Variants in SGCD observed in about 807,000 individuals in gnomAD.
SGCD encodes sarcoglycan delta, also known as delta-sarcoglycan.
A neutral mutation model predicts 36.6 loss-of-function variants in SGCD; 18 were observed. The ratio of observed to expected loss-of-function variants is 0.49; its 90% CI spans 0.34 to 0.73. The LOEUF is 0.73. Among genes scored for constraint, SGCD ranks in the 30% least tolerant of loss-of-function variants. The pLI, the probability that SGCD is intolerant of heterozygous loss-of-function variation, is 0.01. For missense variants in SGCD, 387 were observed against 346.7 expected, an observed-to-expected ratio of 1.12 and a Z score of -0.92; for synonymous variants, 133 against 130.6, an observed-to-expected ratio of 1.02 and a Z score of -0.12.
intron 3 of SGCD, among the ~76,000 whole-genome samples, chr5:156,136,275 G>C (rs1171276566): frequency 6.6e-6 from 1 of 152,078 alleles, no homozygotes; most frequent in Non-Finnish European, 1.5e-5. Context: ...ATCATACCTG[G>C]CTAATTTTTA....
intron 1 of SGCD, among the ~76,000 whole-genome samples, chr5:155,974,754 C>T (rs1002756170): frequency 6.6e-6 from 1 of 152,176 alleles, no homozygotes; most frequent in South Asian, 2.1e-4. Flanking sequence ...CATGTCAGAG[C>T]TTGCCTGGTT....
In SGCD at chr5:156,659,647, TTG is replaced by T. The variant is rs1763823049; in HGVS notation, c.575+12113_575+12114del. On this transcript the variant is annotated intron_variant, in intron 7 of 8. Coordinates refer to ENST00000337851, the MANE Select transcript of SGCD (RefSeq NM_000337.6). ...ACAGTATAAAATGGCTTACAATCTC[TTG>T]TTTCTAAAGTTTGATTTCCAGACCA... is the stretch of plus-strand genomic sequence containing the variant. Among the ~76,000 whole-genome samples, 2 of 148,770 alleles carry T rather than the reference TTG, an allele frequency of 1.3e-5. 1 individual carries two copies. The highest frequency in any genetic ancestry group is 5.1e-5 in the African/African-American group (2 of 39,128).
intron 1 of SGCD, among the ~76,000 whole-genome samples, chr5:155,942,895 T>C (rs1001630913): frequency 6.6e-6 from 1 of 152,216 alleles, no homozygotes; most frequent in Non-Finnish European, 1.5e-5. Flanking sequence ...TTCAACCATG[T>C]AGAGTACAAT....
At chr5:155,740,250 C>T in the SGCD span, among the ~76,000 whole-genome samples, 16 of 152,182 alleles carry the variant, frequency 1.1e-4, no homozygotes, top group African/African-American at 2.4e-5. Flanking sequence ...AGACAGAAGC[C>T]AGCATGCCCT....
chr5:156,142,166 C>T (rs1762597266), intron 3 of SGCD, among the ~76,000 whole-genome samples: 1 of 152,192 alleles, frequency 6.6e-6, no homozygotes, highest in Non-Finnish European at 1.5e-5. Flanking sequence ...CTTCCTCCTG[C>T]TCTGGTCATG....
chr5:155,842,935 C>T, the SGCD span, among the ~76,000 whole-genome samples: 4 of 152,194 alleles, frequency 2.6e-5, no homozygotes, highest in East Asian at 1.9e-4. Flanking sequence ...AGTTGTTTTT[C>T]GATTCTTTTC....
At position 155,968,611 on chromosome 5, in the gene SGCD, C is replaced by T. The variant is rs527924802; in HGVS notation, c.-282+98187C>T. On this transcript the variant is annotated intron_variant, in intron 1 of 9. Coordinates refer to the SGCD transcript ENST00000517913. Reference sequence around the variant, plus strand: ...AATTAAGCTTTATCATAAGTATGTACATATAAGAAAATAACATAGTGTATA... The same window carrying T: ...AATTAAGCTTTATCATAAGTATGTATATATAAGAAAATAACATAGTGTATA... Among the ~76,000 whole-genome samples, 176 of 152,112 alleles carry T rather than the reference C, an allele frequency of 1.2e-3. 1 individual carries two copies. Among genetic ancestry groups the T allele is most frequent in the Middle Eastern group, 0.01 (3 of 294 alleles).
intron 1 of SGCD, among the ~76,000 whole-genome samples, chr5:155,941,298 A>G (rs1028843092): frequency 1.3e-5 from 2 of 152,202 alleles, no homozygotes; most frequent in African/African-American, 4.8e-5. Flanking sequence ...TAAGTTTCCA[A>G]TGCATGAACT....
At chr5:156,364,302 G>C (rs1000590274) in intron 3 of SGCD, among the ~76,000 whole-genome samples, 1 of 151,864 alleles carries the variant, frequency 6.6e-6, no homozygotes, top group Non-Finnish European at 1.5e-5. Context: ...CTAACAATCA[G>C]TCTTATAGAA....
Position 156,160,459 on chromosome 5 carries a change from G to A in SGCD, c.-44+36440G>A, listed in dbSNP as rs527266657. 1.6e-3 allele frequency among the ~76,000 whole-genome samples: 237 copies of A among 151,538 alleles called. 10 individuals carry two copies. The highest frequency in any genetic ancestry group is 5.5e-3 in the African/African-American group (224 of 40,982). On this transcript the variant is annotated intron_variant, in intron 3 of 9. Coordinates refer to the SGCD transcript ENST00000517913. ...CATTTATTTAAAAATATTCTTTATA[G>A]TCTCAAGATGCGTCCAGAATCATAT...
At chr5:156,578,407 A>G (rs1279588044) in intron 4 of SGCD, among the ~76,000 whole-genome samples, 1 of 152,202 alleles carries the variant, frequency 6.6e-6, no homozygotes, top group Non-Finnish European at 1.5e-5. Flanking sequence ...AGGCTTTGAT[A>G]TCAGGATGAT....
At chr5:156,187,568 C>A (rs370320427) in intron 3 of SGCD, among the ~76,000 whole-genome samples, 3 of 140,536 alleles carry the variant, frequency 2.1e-5, no homozygotes, top group South Asian at 4.8e-4. Context: ...GCCACAGTTT[C>A]CTCATATGTA....
intron 1 of SGCD, among the ~76,000 whole-genome samples, chr5:155,947,204 C>A (rs888467562): frequency 1.3e-5 from 2 of 151,930 alleles, no homozygotes; most frequent in African/African-American, 2.4e-5. Context: ...ATTCTTGCAA[C>A]AGTCTAGTGA....
intron 5 of SGCD, among the ~76,000 whole-genome samples, chr5:156,594,269 G>A (rs553747994): frequency 2.6e-5 from 4 of 152,180 alleles, no homozygotes; most frequent in African/African-American, 9.6e-5. Flanking sequence ...TGATTTCCTT[G>A]TGCAGTATTA....
intron 4 of SGCD, among the ~76,000 whole-genome samples, chr5:156,567,520 G>C (rs1032980471): frequency 1.3e-5 from 2 of 152,158 alleles, no homozygotes; most frequent in African/African-American, 2.4e-5. Flanking sequence ...CCATTGTCCA[G>C]TTCATGTCTA....
At chr5:156,720,166 A>T (rs890066899) in intron 7 of SGCD, among the ~76,000 whole-genome samples, 3 of 152,234 alleles carry the variant, frequency 2.0e-5, no homozygotes, top group African/African-American at 4.8e-5. Context: ...TGTTTCAATG[A>T]ACAGTCACCG....
chr5:156,333,782 G>GTTTTT (rs1768184359), intron 2 of SGCD, among the ~76,000 whole-genome samples: 1 of 28,198 alleles, frequency 3.5e-5, no homozygotes, highest in Non-Finnish European at 6.9e-5. Context: ...TTAGAAAAGT[G>GTTTTT]ATTTTTTTTT....
At chr5:156,173,009 T>C (rs1763379269) in intron 3 of SGCD, among the ~76,000 whole-genome samples, 1 of 152,126 alleles carries the variant, frequency 6.6e-6, no homozygotes, top group African/African-American at 2.4e-5. Flanking sequence ...CAGAAAAATA[T>C]ATTCTAATCA....
At chr5:156,606,201 C>A (rs1011389939) in intron 6 of SGCD, among the ~76,000 whole-genome samples, 1 of 152,130 alleles carries the variant, frequency 6.6e-6, no homozygotes, top group African/African-American at 2.4e-5. Context: ...AGTCTTTAAT[C>A]CATCTTGAAT....
Sources: gnomAD v4.1 joint callset for allele counts (sites outside exome capture counted in the v4.1 genomes callset) on GRCh38, gnomAD v4.1.1 for gene constraint, MANE v1.5 for transcripts, NCBI Gene and HGNC (gene_info 2026-07-23, HGNC 2026-07-21) for gene names.